Variants in INPP5D observed in about 807,000 individuals in gnomAD.
INPP5D encodes inositol polyphosphate-5-phosphatase D.
INPP5D carries 33 observed loss-of-function variants against 122.9 expected under a neutral mutation model. The observed-to-expected ratio is 0.27, with a 90% CI of 0.20 to 0.36. The LOEUF (loss-of-function observed/expected upper bound fraction) is 0.36, where lower values mean the gene tolerates loss of function less well. Ranked by LOEUF, INPP5D falls within the 10% of genes least tolerant of loss-of-function variation. INPP5D has a pLI of 1.00. For missense variants in INPP5D, 1,053 were observed against 1,412.7 expected, an observed-to-expected ratio of 0.75 and a Z score of 4.08; for synonymous variants, 584 against 576.2, an observed-to-expected ratio of 1.01 and a Z score of -0.19.
At chr2:233,163,984 CTCAGCCTA>C in intron 12 of INPP5D, 81 bp downstream of exon 12, 1 of 1,521,624 alleles carries the variant, frequency 6.6e-7, no homozygotes, top group South Asian at 1.3e-5. Flanking sequence ...CAAGGGTGGG[CTCAGCCTA>C]TCAGCTCTCA....
intron 2 of INPP5D, among the ~76,000 whole-genome samples, chr2:233,089,717 C>T (rs1483965289): frequency 1.3e-5 from 2 of 152,238 alleles, no homozygotes; most frequent in Non-Finnish European, 2.9e-5. Context: ...GCAGCTCATT[C>T]ATTTATTCAG....
At chr2:233,151,147 T>C (rs528402415) in intron 9 of INPP5D, among the ~76,000 whole-genome samples, 10 of 152,112 alleles carry the variant, frequency 6.6e-5, no homozygotes, top group Non-Finnish European at 1.5e-4. Flanking sequence ...AAACTAGAGA[T>C]CACTGGCCCT....
At chr2:233,193,099 G>C (rs1051062860) in intron 22 of INPP5D, among the ~76,000 whole-genome samples, 2 of 152,212 alleles carry the variant, frequency 1.3e-5, no homozygotes, top group African/African-American at 4.8e-5. Flanking sequence ...ATGTTGGCCA[G>C]GCTGGTCTTG....
intron 1 of INPP5D, among the ~76,000 whole-genome samples, chr2:233,067,029 AG>A (rs1691248993): frequency 6.6e-6 from 1 of 151,972 alleles, no homozygotes; most frequent in African/African-American, 2.4e-5. Flanking sequence ...CTGCCCGCCT[AG>A]GCCTCCCAAA....
chr2:233,145,667 A>G (rs1306751701), intron 6 of INPP5D, among the ~76,000 whole-genome samples: 1 of 149,744 alleles, frequency 6.7e-6, no homozygotes, highest in African/African-American at 2.4e-5. Context: ...GTTGAGGATG[A>G]GAGTGGCTCA....
chr2:233,102,402 G>C (rs938950023), intron 2 of INPP5D, among the ~76,000 whole-genome samples: 3 of 152,162 alleles, frequency 2.0e-5, no homozygotes, highest in African/African-American at 7.2e-5. Context: ...CACCTCGCCT[G>C]CTTCACTCAC....
rs952658627 is a variant in INPP5D at position 233,189,310 on chromosome 2, G to A, written c.2359-540G>A. Reference sequence around the variant, plus strand: ...GTAGGACACTCCAGGCCCAGCTGGGGGCTCTGCCAGGATGGACACAGAGGC... The same window carrying A: ...GTAGGACACTCCAGGCCCAGCTGGGAGCTCTGCCAGGATGGACACAGAGGC... On this transcript the variant is annotated intron_variant, in intron 21 of 26. Transcript: ENST00000445964. The surrounding 1 kb of genome is among the most constrained non-coding windows in gnomAD (Gnocchi z 5.6). Among the ~76,000 whole-genome samples, 6 of 152,358 alleles carry A rather than the reference G, an allele frequency of 3.9e-5. No individual in the cohort carries two copies. The highest frequency in any genetic ancestry group is 7.3e-5 in the Non-Finnish European group (5 of 68,028).
intron 24 of INPP5D, among the ~76,000 whole-genome samples, chr2:233,196,166 G>C (rs1349310969): frequency 6.6e-6 from 1 of 152,134 alleles, no homozygotes; most frequent in African/African-American, 2.4e-5. Context: ...TGCAAACCCA[G>C]GGCCTGTGAG....
intron 11 of INPP5D, among the ~76,000 whole-genome samples, chr2:233,162,595 A>G (rs7568027): frequency 0.34 from 52,267 of 151,768 alleles, 11,126 homozygotes; most frequent in Non-Finnish European, 0.48. Flanking sequence ...GGTAGAAATA[A>G]ATTAGATAGA....
rs549332020 is a variant in INPP5D at position 233,114,098 on chromosome 2, T to C, written c.199-8009T>C. On this transcript the variant is annotated intron_variant, in intron 2 of 26. Coordinates refer to ENST00000445964, the MANE Select transcript of INPP5D (RefSeq NM_001017915.3). ...CTAATTTTTGTATTTTTAGTAGAGA[T>C]GGGGTTTCACTGTGTTAGCCAGGAT... is the stretch of plus-strand genomic sequence containing the variant. Among the ~76,000 whole-genome samples the C allele has an allele frequency of 1.5e-3, 225 of 152,152 alleles. 4 individuals carry two copies. In the South Asian group the frequency reaches 0.034, roughly 23 times the overall value.
Position 233,204,137 on chromosome 2 carries a change from T to C in INPP5D, c.2987T>C (p.Leu996Pro). ...PRTQESRPSDLGKNAGDTLPQ... is the reference protein window; with the variant it reads ...PRTQESRPSDPGKNAGDTLPQ... ...GTCCCTGGCTCTAGGCCCAGTGACC[T>C]GGGGAAGAACGCAGGGGACACGCTG... Residue 996 changes from leucine (L) to proline (P), a missense_variant, in exon 26 of 27, where the codon CTG (leucine) becomes CCG (proline). Physicochemically the swap from Leu to Pro is moderately conservative, Grantham distance 98. Around this residue, in one of 6 missense-constraint regions of INPP5D, gnomAD observed 417 missense variants for 425.8 expected, o/e 0.98. Transcript: ENST00000445964. The C allele has an allele frequency of 1.3e-6, 2 of 1,553,342 alleles. No homozygotes were observed. The highest frequency in any genetic ancestry group is 1.7e-6 in the Non-Finnish European group (2 of 1,149,202).
chr2:233,104,747 G>T (rs1692417895), intron 2 of INPP5D, among the ~76,000 whole-genome samples: 1 of 152,194 alleles, frequency 6.6e-6, no homozygotes, highest in Admixed American at 6.5e-5. Context: ...TTGAGGACAG[G>T]CTTGAGATGG....
Position 233,177,165 on chromosome 2 carries a change from A to C in INPP5D, c.1990-100A>C. 6.7e-7 allele frequency: 1 copy of C among 1,498,814 alleles called. No individual in the cohort carries two copies. Among genetic ancestry groups the C allele is most frequent in the South Asian group, 1.2e-5 (1 of 82,670 alleles). The allele number at this position is 1,498,814 out of a possible 1,614,324, so 92.8% of individuals were successfully genotyped here. On this transcript the variant is annotated intron_variant, in intron 17 of 26. Transcript: ENST00000445964. The surrounding 1 kb of genome is among the most constrained non-coding windows in gnomAD (Gnocchi z 4.2). ...TTCTATAAAAAGCCAACAGCCGATGAATTTGAGGATTACAGAGGCCACCAG... is the reference window on the plus strand; with the variant it reads ...TTCTATAAAAAGCCAACAGCCGATGCATTTGAGGATTACAGAGGCCACCAG...
intron 2 of INPP5D, among the ~76,000 whole-genome samples, chr2:233,089,048 G>C (rs1691924550): frequency 6.6e-6 from 1 of 152,228 alleles, no homozygotes; most frequent in Non-Finnish European, 1.5e-5. Flanking sequence ...TTAAGGGTCA[G>C]GGGTTGTCCT....
chr2:233,070,208 G>A (rs1043209984), intron 1 of INPP5D, among the ~76,000 whole-genome samples: 3 of 151,958 alleles, frequency 2.0e-5, no homozygotes, highest in African/African-American at 7.3e-5. Flanking sequence ...TATCACACTT[G>A]TTGCAAATAT....
At chr2:233,108,159 G>A (rs1047977076) in intron 2 of INPP5D, among the ~76,000 whole-genome samples, 6 of 152,114 alleles carry the variant, frequency 3.9e-5, no homozygotes, top group African/African-American at 4.8e-5. Flanking sequence ...AGTGGCTTGC[G>A]TCTGCCACAG....
chr2:233,066,537 C>T (rs766838400), intron 1 of INPP5D, among the ~76,000 whole-genome samples: 5 of 152,206 alleles, frequency 3.3e-5, no homozygotes, highest in Non-Finnish European at 4.4e-5. Flanking sequence ...AAAGCCCACT[C>T]GTTGGGTTAT....
chr2:233,096,844 T>C lies in INPP5D; in HGVS notation c.198+17446T>C, dbSNP rs569671285. ...TGAAAATATTTTCTCCAGCCTGCAA[T>C]GTTTTTAAACATTGTTTATGGTGCG... On this transcript the variant is annotated intron_variant, in intron 2 of 26. Transcript: ENST00000445964. Among the ~76,000 whole-genome samples, 23 of 152,344 alleles carry C rather than the reference T, an allele frequency of 1.5e-4. No homozygotes were observed. The South Asian group carries it at 4.8e-3, about 32-fold the overall frequency.
chr2:233,062,764 T>C (rs1052153829), intron 1 of INPP5D, among the ~76,000 whole-genome samples: 3 of 152,250 alleles, frequency 2.0e-5, no homozygotes, highest in African/African-American at 7.2e-5. Flanking sequence ...GAAGCTTCCC[T>C]TCCTGCAGGG....
Sources: allele counts gnomAD v4.1 joint callset (sites outside exome capture counted in the v4.1 genomes callset), GRCh38; gene constraint gnomAD v4.1.1; regional missense constraint gnomAD v4.1.1; non-coding constraint Gnocchi (gnomAD v3.1); transcripts MANE v1.5; gene names NCBI Gene and HGNC (gene_info 2026-07-23, HGNC 2026-07-21).